Variants in WNT2B observed in about 807,000 individuals in gnomAD.
The protein encoded by WNT2B is Wnt family member 2B.
WNT2B carries 19 observed loss-of-function variants against 40.5 expected under a neutral mutation model. The ratio of observed to expected loss-of-function variants is 0.47; its 90% CI spans 0.33 to 0.69. The LOEUF (loss-of-function observed/expected upper bound fraction) is 0.69, where lower values mean the gene tolerates loss of function less well. Among genes scored for constraint, WNT2B ranks in the 30% least tolerant of loss-of-function variants. The pLI, the probability that WNT2B is intolerant of heterozygous loss-of-function variation, is 0.02. For missense variants in WNT2B, 467 were observed against 556.4 expected, an observed-to-expected ratio of 0.84 and a Z score of 1.62; for synonymous variants, 220 against 211.9, an observed-to-expected ratio of 1.04 and a Z score of -0.33.
chr1:112,468,556 T>C (rs1650776417), intron 1 of WNT2B, among the ~76,000 whole-genome samples: 1 of 152,164 alleles, frequency 6.6e-6, no homozygotes, highest in African/African-American at 2.4e-5. Context: ...ATTCATGACA[T>C]TGAGCATTTT....
intron 1 of WNT2B, among the ~76,000 whole-genome samples, chr1:112,484,123 A>G (rs1651321982): frequency 8.4e-6 from 1 of 119,678 alleles, no homozygotes; most frequent in African/African-American, 2.6e-5. Context: ...AATTTTATAT[A>G]ATAATTTTAA....
rs1017926248 is a variant in WNT2B, at chr1:112,521,328, T to C, written c.*819T>C. ...TGTGTTGCCTTTTTTTTTTTTTTTT[T>C]TTTCTTTTCTTTTCTTCTCTTCCCA... On this transcript the variant is annotated 3_prime_UTR_variant, in exon 5 of 5. Transcript: ENST00000369684. The C allele has an allele frequency of 7.0e-6, 1 of 143,360 alleles. No individual in the cohort carries two copies. Among genetic ancestry groups the C allele is most frequent in the Non-Finnish European group, 1.5e-5 (1 of 66,050 alleles). 8.9% of individuals were successfully genotyped at this position (143,360 alleles called of 1,614,324 possible). A position where few individuals can be genotyped will look rare whatever the true frequency, so the allele number is the denominator to read the frequency against.
chr1:112,508,717 C>A (rs980418317), upstream of WNT2B: 11 of 985,738 alleles, frequency 1.1e-5, no homozygotes, highest in Non-Finnish European at 9.6e-6. This position sits in a 1 kb window ranked among gnomAD's most constrained non-coding sequence, Gnocchi z 4.2. Context: ...GGCGCGGTGT[C>A]GGCAGGGACT....
chr1:112,496,819 C>T (rs556824656), intron 1 of WNT2B, among the ~76,000 whole-genome samples: 10 of 152,168 alleles, frequency 6.6e-5, no homozygotes, highest in South Asian at 2.1e-4. Context: ...AGGCTGGTCT[C>T]GAACTCACGA....
At chr1:112,501,816 G>A (rs1283894336) in intron 1 of WNT2B, among the ~76,000 whole-genome samples, 1 of 152,132 alleles carries the variant, frequency 6.6e-6, no homozygotes, top group African/African-American at 2.4e-5. Context: ...TGCGCGCTTC[G>A]TCTGCAGGTA....
rs1356727769 is a variant in WNT2B, at chr1:112,508,968, C to G, written c.-295C>G. On this transcript the variant is annotated 5_prime_UTR_variant, in exon 1 of 5. Transcript: ENST00000369684. This position sits in a 1 kb window ranked among gnomAD's most constrained non-coding sequence, Gnocchi z 4.2. ...CCCGCGGCCGAAGGGGCTGTCCGCA[C>G]ACTAGGCCCGCAGCTCCCTTCAGCG... is the stretch of plus-strand genomic sequence containing the variant. The G allele has an allele frequency of 7.9e-7, 1 of 1,264,892 alleles. No individual in the cohort carries two copies. 78.4% of individuals were successfully genotyped at this position (1,264,892 alleles called of 1,614,324 possible).
upstream of WNT2B, among the ~76,000 whole-genome samples, chr1:112,506,992 C>T (rs1356481602): frequency 6.6e-6 from 1 of 152,178 alleles, no homozygotes; most frequent in African/African-American, 2.4e-5. Flanking sequence ...TTCCTCCACG[C>T]ACTCCGCTCC....
rs1653278317 is a variant in WNT2B, at chr1:112,525,688, CT to C, written c.*5182del. 1 of 217,572 alleles carries C rather than the reference CT, an allele frequency of 4.6e-6. No homozygotes were observed. The allele number at this position is 217,572 out of a possible 1,614,324, so 13.5% of individuals were successfully genotyped here. The stretch of plus-strand genomic sequence containing the variant: ...GATGGAGCAGCTGGACATTAGAGTT[CT>C]TTCTCTTTGACCAAAGGAGCCAAAA... On this transcript the variant is annotated 3_prime_UTR_variant, in exon 5 of 5. Transcript: ENST00000369684.
chr1:112,469,598 T>G (rs983176718), intron 1 of WNT2B, among the ~76,000 whole-genome samples: 1 of 151,746 alleles, frequency 6.6e-6, no homozygotes, highest in Non-Finnish European at 1.5e-5. Context: ...TTGTTTGTTT[T>G]TTAGCTATTG....
intron 1 of WNT2B, among the ~76,000 whole-genome samples, chr1:112,472,848 A>G (rs1157226252): frequency 6.6e-6 from 1 of 151,910 alleles, no homozygotes; most frequent in Non-Finnish European, 1.5e-5. Context: ...CAGGAGTCCC[A>G]GCTACTCAGG....
chr1:112,504,184 A>AGCCCACTGCCCACT, upstream of WNT2B, among the ~76,000 whole-genome samples: 1 of 152,314 alleles, frequency 6.6e-6, no homozygotes, highest in Non-Finnish European at 1.5e-5. Flanking sequence ...AATGGCCGTC[A>AGCCCACTGCCCACT]GCCCGCCCAC....
chr1:112,494,028 G>A (rs1218592491), intron 1 of WNT2B, among the ~76,000 whole-genome samples: 2 of 151,932 alleles, frequency 1.3e-5, no homozygotes, highest in Admixed American at 6.6e-5. Flanking sequence ...TACATCTACC[G>A]GCCAGGCGCG....
chr1:112,494,149 A>C (rs939024683), intron 1 of WNT2B, among the ~76,000 whole-genome samples: 1 of 151,182 alleles, frequency 6.6e-6, no homozygotes, highest in Admixed American at 6.6e-5. Context: ...ATCTCTACTA[A>C]AAATACAAAA....
chr1:112,519,465 C>T (rs1443370681), intron 4 of WNT2B, among the ~76,000 whole-genome samples: 4 of 152,088 alleles, frequency 2.6e-5, no homozygotes, highest in Non-Finnish European at 5.9e-5. Context: ...AGTAGATGCT[C>T]TCATGGGCCC....
Position 112,517,284 on chromosome 1 carries a change from C to A in WNT2B, c.845C>A (p.Ala282Asp), listed in dbSNP as rs551361729. The A allele has an allele frequency of 2.5e-6, 4 of 1,614,194 alleles. No homozygotes were observed. The Admixed American group carries it at 6.7e-5, about 27-fold the overall frequency. The change falls in exon 4 of 5, where the codon GCC becomes GAC. Residue 282 changes from alanine to aspartate, a missense_variant. Physicochemically the swap from Ala to Asp is moderately radical, Grantham distance 126. Coordinates refer to ENST00000369684, the MANE Select transcript of WNT2B (RefSeq NM_024494.3). ...AVQVMATQDG[A>D]NFTAARQGYR... Reference sequence around the variant, plus strand: ...CAGGTGATGGCCACCCAAGATGGTGCCAACTTCACCGCAGCCCGCCAAGGC... The same window carrying A: ...CAGGTGATGGCCACCCAAGATGGTGACAACTTCACCGCAGCCCGCCAAGGC...
At position 112,499,522 on chromosome 1, in the gene WNT2B, T is replaced by C. The variant is rs138968633; in HGVS notation, c.-94-15352T>C. ...AAATCAATTAATATAACCTGTCACA[T>C]TAACAGTCTAAAAAGGAAAAATCAC... On this transcript the variant is annotated intron_variant, in intron 1 of 4. Coordinates refer to the WNT2B transcript ENST00000256640. Among the ~76,000 whole-genome samples the C allele has an allele frequency of 1.7e-3, 259 of 152,244 alleles. 1 individual carries two copies. The highest frequency in any genetic ancestry group is 5.9e-3 in the African/African-American group (243 of 41,534).
intron 1 of WNT2B, among the ~76,000 whole-genome samples, chr1:112,483,484 A>G (rs1031286591): frequency 6.6e-6 from 1 of 152,210 alleles, no homozygotes; most frequent in Non-Finnish European, 1.5e-5. Context: ...CTCAAAAAGG[A>G]TTACAGATCT....
At position 112,520,354 on chromosome 1, in the gene WNT2B, G is replaced by A. The variant is rs920291163; in HGVS notation, c.1021G>A (p.Gly341Ser). The change falls in exon 5 of 5, where the codon GGC (glycine) becomes AGC (serine). Residue 341 changes from glycine (G) to serine (S), a missense_variant. Transcript: ENST00000369684. The stretch of plus-strand genomic sequence containing the variant: ...AGACGGTTGTGAAATCATGTGCTGT[G>A]GCCGAGGGTACGACACAACTCGAGT... ...GTDGCEIMCC[G>S]RGYDTTRVTR... is the part of the protein sequence containing the mutation. 4 of 1,614,006 alleles carry A rather than the reference G, an allele frequency of 2.5e-6. No individual in the cohort carries two copies. The African/African-American group carries it at 5.3e-5, about 22-fold the overall frequency.
rs917490116 is a variant in WNT2B, at chr1:112,522,528, C to T, written c.*2019C>T. 6.6e-6 allele frequency: 1 copy of T among 152,232 alleles called. No individual in the cohort carries two copies. The highest frequency in any genetic ancestry group is 1.5e-5 in the Non-Finnish European group (1 of 68,060). The allele number at this position is 152,232 out of a possible 1,614,324, so 9.4% of individuals were successfully genotyped here. On this transcript the variant is annotated 3_prime_UTR_variant, in exon 5 of 5. Coordinates refer to ENST00000369684, the MANE Select transcript of WNT2B (RefSeq NM_024494.3). ...AGGCCCCTGTCTTTCCAAAGTTCCT[C>T]TCCAATATCCCTTGGGGTCCTCATG...
Sources: gnomAD v4.1 joint callset for allele counts (sites outside exome capture counted in the v4.1 genomes callset) on GRCh38, gnomAD v4.1.1 for gene constraint, Gnocchi (gnomAD v3.1) non-coding constraint, MANE v1.5 for transcripts, NCBI Gene and HGNC (gene_info 2026-07-23, HGNC 2026-07-21) for gene names.